GRIP1: variants seen among roughly 807,000 people sequenced by gnomAD.
The protein encoded by GRIP1 is glutamate receptor interacting protein 1.
A neutral mutation model predicts 129.9 loss-of-function variants in GRIP1; 45 were observed. The observed-to-expected ratio is 0.35, with a 90% CI of 0.27 to 0.44. GRIP1 has a LOEUF of 0.44. Ranked by LOEUF, GRIP1 falls within the 20% of genes least tolerant of loss-of-function variation. GRIP1 has a pLI of 1.00. For missense variants in GRIP1, 1,196 were observed against 1,396.8 expected (o/e 0.86, Z 2.29); for synonymous variants, 530 against 520.8 (o/e 1.02, Z -0.24).
chr12:67,011,212 A>T (rs932371037), intron 1 of GRIP1, among the ~76,000 whole-genome samples: 3 of 152,050 alleles, frequency 2.0e-5, no homozygotes, highest in African/African-American at 7.2e-5. Context: ...CATCTCATAA[A>T]CGACATCTCC....
At position 66,444,643 on chromosome 12, in the gene GRIP1, A is replaced by T; in HGVS notation, c.1628T>A (p.Leu543His). The T allele has an allele frequency of 6.2e-7, 1 of 1,614,038 alleles. No homozygotes were observed. Residue 543 changes from leucine to histidine, a missense_variant, in exon 13 of 25, where the codon CTC becomes CAC. This residue lies in a region of GRIP1 where 508 missense variants were observed against 587.0 expected (regional missense o/e 0.87). Transcript: ENST00000359742. ...GCTCGTGATTGAAGAGTCTCGGAGGAGCTGACTGGCTTCTTCGAAGGTGCT... is the reference window on the plus strand; with the variant it reads ...GCTCGTGATTGAAGAGTCTCGGAGGTGCTGACTGGCTTCTTCGAAGGTGCT... ...EDSTFEEASQ[L>H]LRDSSITSKV...
intron 1 of GRIP1, among the ~76,000 whole-genome samples, chr12:66,883,906 C>T (rs182665318): frequency 4.8e-4 from 73 of 152,298 alleles, no homozygotes; most frequent in African/African-American, 1.7e-3. Flanking sequence ...TTATAAAGAT[C>T]AAATGAGATA....
chr12:66,490,085 C>G (rs2060064829), intron 7 of GRIP1, among the ~76,000 whole-genome samples: 1 of 152,036 alleles, frequency 6.6e-6, no homozygotes, highest in Non-Finnish European at 1.5e-5. Context: ...ATGTTATTCC[C>G]ATTAAACTAC....
chr12:66,714,852 C>A (rs549961863), intron 1 of GRIP1, among the ~76,000 whole-genome samples: 1 of 150,874 alleles, frequency 6.6e-6, no homozygotes, highest in Non-Finnish European at 1.5e-5. Flanking sequence ...CAATCCACCC[C>A]CCTACCAACT....
intron 1 of GRIP1, among the ~76,000 whole-genome samples, chr12:66,776,172 T>C (rs1451236208): frequency 6.6e-6 from 1 of 152,236 alleles, no homozygotes; most frequent in East Asian, 1.9e-4. Context: ...AATTGCTGCA[T>C]AGTTTCAAGA....
chr12:66,361,670 AGTC>A (rs2137166202), intron 23 of GRIP1, among the ~76,000 whole-genome samples: 1 of 151,976 alleles, frequency 6.6e-6, no homozygotes, highest in Admixed American at 6.6e-5. Context: ...GCTGTGGCGG[AGTC>A]CCTGTTGCGG....
chr12:66,861,591 A>G (rs1431872274), intron 1 of GRIP1, among the ~76,000 whole-genome samples: 1 of 152,262 alleles, frequency 6.6e-6, no homozygotes, highest in East Asian at 1.9e-4. Flanking sequence ...CCACATGGCC[A>G]TGGAGAACAA....
chr12:66,761,859 A>G (rs552818902), intron 1 of GRIP1, among the ~76,000 whole-genome samples: 6 of 152,260 alleles, frequency 3.9e-5, no homozygotes, highest in Non-Finnish European at 7.4e-5. Flanking sequence ...GAAGCAACAA[A>G]TGTGGTGCAG....
At chr12:66,754,302 T>C (rs1232876293) in intron 1 of GRIP1, among the ~76,000 whole-genome samples, 1 of 152,188 alleles carries the variant, frequency 6.6e-6, no homozygotes, top group Admixed American at 6.5e-5. Flanking sequence ...AGGTTTATAG[T>C]CTATGTTATC....
chr12:66,997,721 C>T (rs1203348842), intron 1 of GRIP1, among the ~76,000 whole-genome samples: 3 of 152,066 alleles, frequency 2.0e-5, no homozygotes, highest in African/African-American at 7.2e-5. Context: ...GGAAAGAATC[C>T]TCTATTTTGA....
chr12:66,811,168 T>A (rs182586691), intron 1 of GRIP1, among the ~76,000 whole-genome samples: 120 of 152,326 alleles, frequency 7.9e-4, no homozygotes, highest in African/African-American at 2.8e-3. Flanking sequence ...ATAACTGAGG[T>A]TATTGAGTTT....
chr12:66,782,191 A>G (rs891038423), intron 1 of GRIP1, among the ~76,000 whole-genome samples: 1 of 152,166 alleles, frequency 6.6e-6, no homozygotes, highest in African/African-American at 2.4e-5. Flanking sequence ...CACTTTTTAT[A>G]TAAATGTTAC....
intron 23 of GRIP1, among the ~76,000 whole-genome samples, chr12:66,370,644 A>T (rs970634286): frequency 2.6e-5 from 4 of 152,336 alleles, no homozygotes; most frequent in Non-Finnish European, 5.9e-5. Context: ...CTCAAGAAAG[A>T]TGGCATGAGA....
At chr12:66,976,143 G>A (rs1381612832) in intron 1 of GRIP1, among the ~76,000 whole-genome samples, 1 of 152,102 alleles carries the variant, frequency 6.6e-6, no homozygotes, top group African/African-American at 2.4e-5. Flanking sequence ...ATTTTGACAT[G>A]CATCGCTTAA....
chr12:66,611,021 T>A (rs1195632992), intron 1 of GRIP1, among the ~76,000 whole-genome samples: 3 of 152,148 alleles, frequency 2.0e-5, no homozygotes. Context: ...TAAGACAAGC[T>A]TAACAAAAAA....
At chr12:66,969,035 TTAAGTA>T (rs1395581685) in intron 1 of GRIP1, among the ~76,000 whole-genome samples, 2 of 152,150 alleles carry the variant, frequency 1.3e-5, no homozygotes, top group African/African-American at 4.8e-5. Flanking sequence ...TTTCAACTCT[TTAAGTA>T]TTTTTCTTCA....
At chr12:66,423,601 T>A (rs750250047) in intron 14 of GRIP1, among the ~76,000 whole-genome samples, 1 of 152,214 alleles carries the variant, frequency 6.6e-6, no homozygotes. Flanking sequence ...TACATAGTTT[T>A]TGAACACCAA....
rs538853026 is a variant in GRIP1 at position 66,760,254 on chromosome 12, A to G, written c.-420+43799T>C. 5.9e-5 allele frequency among the ~76,000 whole-genome samples: 9 copies of G among 151,758 alleles called. No homozygotes were observed. In the East Asian group the frequency reaches 1.6e-3, roughly 26 times the overall value. On this transcript the variant is annotated intron_variant, in intron 1 of 4. Transcript: ENST00000538373. Reference sequence around the variant, plus strand: ...CTTCTGAGCCCTCCAAACTGTTTCAACCTCTGCCTGTTACCCAGTTCCAAA... The same window carrying G: ...CTTCTGAGCCCTCCAAACTGTTTCAGCCTCTGCCTGTTACCCAGTTCCAAA...
intron 1 of GRIP1, among the ~76,000 whole-genome samples, chr12:67,003,036 T>C (rs2042575001): frequency 6.6e-6 from 1 of 152,118 alleles, no homozygotes; most frequent in Non-Finnish European, 1.5e-5. Flanking sequence ...TACAGGGAAA[T>C]GGCAGCGATG....
Sources: allele counts gnomAD v4.1 joint callset (sites outside exome capture counted in the v4.1 genomes callset), GRCh38; gene constraint gnomAD v4.1.1; regional missense constraint gnomAD v4.1.1; transcripts MANE v1.5; gene names NCBI Gene and HGNC (gene_info 2026-07-23, HGNC 2026-07-21).